Variants in ARFRP1 observed in about 807,000 individuals in gnomAD.
ARFRP1 encodes the protein ADP-ribosylation factor-related protein 1.
A neutral mutation model predicts 30.3 loss-of-function variants in ARFRP1; 19 were observed. The observed-to-expected ratio is 0.63, with a 90% CI of 0.44 to 0.92. The LOEUF (loss-of-function observed/expected upper bound fraction) is 0.92, where lower values mean the gene tolerates loss of function less well. Ranked by LOEUF, ARFRP1 falls within the 40% of genes least tolerant of loss-of-function variation. ARFRP1 has a pLI of 0.00. For synonymous variants in ARFRP1, 133 were observed against 114.2 expected (o/e 1.16, Z -1.05); for missense variants, 245 against 267.5 (o/e 0.92, Z 0.59).
At chr20:63,706,091 A>C (rs1009605332) in intron 4 of ARFRP1, 1 of 432,532 alleles carries the variant, frequency 2.3e-6, no homozygotes, top group Non-Finnish European at 4.3e-6. Context: ...GCATTTAGTG[A>C]TTCTTTCCCT....
rs1016651639 is a variant in ARFRP1, at chr20:63,701,086, G to A, written c.418-384C>T. The A allele has an allele frequency of 1.0e-5, 4 of 399,220 alleles. No individual in the cohort carries two copies. The East Asian group carries it at 2.8e-4, about 28-fold the overall frequency. The allele number at this position is 399,220 out of a possible 1,614,324, so 24.7% of individuals were successfully genotyped here. On this transcript the variant is annotated intron_variant, in intron 6 of 7. Transcript: ENST00000622789. Reference sequence around the variant, plus strand: ...TGGGAGCCCTGCATCAGTGATGGAGGCAGTCTGCAGTCATGGTGGCTTCTG... The same window carrying A: ...TGGGAGCCCTGCATCAGTGATGGAGACAGTCTGCAGTCATGGTGGCTTCTG...
intron 4 of ARFRP1, chr20:63,705,878 T>A: frequency 2.3e-6 from 1 of 427,664 alleles, no homozygotes; most frequent in East Asian, 5.9e-5. Flanking sequence ...GTTTGAACAT[T>A]CCCAGACACT....
At chr20:63,706,898 T>A in intron 2 of ARFRP1, 101 bp downstream of exon 2, 3 of 1,409,202 alleles carry the variant, frequency 2.1e-6, no homozygotes, top group Admixed American at 3.5e-5. Context: ...CAGGTGAAAT[T>A]TGGCTTCCGT....
rs2091246464 is a variant in ARFRP1, at chr20:63,702,147, T to C, written c.335A>G (p.Lys112Arg). ...CAGGCCGCACTCACCAAACGCCTGC[T>C]TGGACTCAGCCAGCCTCTCCTCGTC... is the stretch of plus-strand genomic sequence containing the variant. ...STDEERLAES[K>R]QAFEKVVTSE... The change falls in exon 5 of 8, where the codon AAG (lysine) becomes AGG (arginine). Residue 112 changes from lysine (K) to arginine (R), a missense_variant. Coordinates refer to ENST00000622789, the MANE Select transcript of ARFRP1 (RefSeq NM_001267547.3). 4 of 1,610,968 alleles carry C rather than the reference T, an allele frequency of 2.5e-6. No homozygotes were observed. Among genetic ancestry groups the C allele is most frequent in the Admixed American group, 1.7e-5 (1 of 59,924 alleles).
chr20:63,705,403 C>T (rs1453030916), intron 4 of ARFRP1: 3 of 269,592 alleles, frequency 1.1e-5, no homozygotes, highest in Non-Finnish European at 2.2e-5. Context: ...CAGCCTAGGG[C>T]AGGGAGCCCG....
intron 4 of ARFRP1, chr20:63,704,681 C>A (rs2091373728): frequency 1.3e-5 from 2 of 152,414 alleles, no homozygotes; most frequent in South Asian, 4.1e-4. Flanking sequence ...GGAGGAACCC[C>A]TCTCCAACGT....
At chr20:63,701,166 C>T (rs181333511) in intron 6 of ARFRP1, 21 of 485,278 alleles carry the variant, frequency 4.3e-5, no homozygotes, top group Non-Finnish European at 7.2e-5. Context: ...CCTTTTCCTC[C>T]GAGGGGAGAC....
intron 4 of ARFRP1, chr20:63,704,945 TC>T (rs1481726362): frequency 1.3e-5 from 2 of 152,386 alleles, no homozygotes; most frequent in Non-Finnish European, 2.9e-5. Context: ...TAGCCAGTTC[TC>T]CTCCAGGGCT....
At chr20:63,701,998 G>GCCA in intron 5 of ARFRP1, 98 bp from the exon 6 acceptor site, 1 of 583,914 alleles carries the variant, frequency 1.7e-6, no homozygotes, top group Non-Finnish European at 2.6e-6. Flanking sequence ...CACTCCCTCT[G>GCCA]CCCCCCCCCC....
At chr20:63,705,754 G>A in intron 4 of ARFRP1, 1 of 533,212 alleles carries the variant, frequency 1.9e-6, no homozygotes. Flanking sequence ...TTGGAGGAGT[G>A]CAGGGTCCCC....
intron 4 of ARFRP1, chr20:63,703,216 G>A (rs1289563386): frequency 1.3e-5 from 2 of 152,288 alleles, no homozygotes; most frequent in South Asian, 4.1e-4. Context: ...AGTGTGTTAA[G>A]ACACACACAC....
chr20:63,698,736 C>G lies in ARFRP1; in HGVS notation c.*1707G>C, dbSNP rs1450369335. Reference sequence around the variant, plus strand: ...AGGGCAGCCGGGGACACCTGAGCCGCCCGCTGTGCCCAGATCCCTCAGGCT... The same window carrying G: ...AGGGCAGCCGGGGACACCTGAGCCGGCCGCTGTGCCCAGATCCCTCAGGCT... On this transcript the variant is annotated 3_prime_UTR_variant, in exon 8 of 8. Transcript: ENST00000622789. 5 of 740,638 alleles carry G rather than the reference C, an allele frequency of 6.8e-6. No individual in the cohort carries two copies. In the South Asian group the frequency reaches 1.1e-4, roughly 16 times the overall value. 45.9% of individuals were successfully genotyped at this position (740,638 alleles called of 1,614,324 possible).
intron 4 of ARFRP1, chr20:63,705,621 G>T (rs548174394): frequency 1.3e-5 from 7 of 531,018 alleles, no homozygotes; most frequent in Middle Eastern, 6.3e-4. Context: ...TGTTAAGCTA[G>T]AACTGAAGGA....
At chr20:63,706,964 G>A (rs1333610318) in intron 2 of ARFRP1, 35 bp downstream of exon 2, 4 of 1,609,574 alleles carry the variant, frequency 2.5e-6, no homozygotes, top group Non-Finnish European at 1.7e-6. Context: ...CCGCCAGGCC[G>A]TGGGAAAGGT....
intron 4 of ARFRP1, 29 bp from the exon 5 acceptor site, chr20:63,702,246 C>T: frequency 1.3e-6 from 2 of 1,593,102 alleles, no homozygotes; most frequent in Non-Finnish European, 1.7e-6. Flanking sequence ...AGTTGGGGCT[C>T]AGTCCCCACC....
rs1332501925 is a variant in ARFRP1, at chr20:63,701,818, G to T, written c.417+12C>A. 6.5e-7 allele frequency: 1 copy of T among 1,549,402 alleles called. No individual in the cohort carries two copies. The highest frequency in any genetic ancestry group is 2.0e-5 in the Admixed American group (1 of 50,998). On this transcript the variant is annotated intron_variant, in intron 6 of 7. Transcript: ENST00000622789. ...TCGGGAAGCTGCTGCGGGAGGCAGG[G>T]GTGGGGCTCACCTCCACATCCTGCT... is the stretch of plus-strand genomic sequence containing the variant.
At chr20:63,702,261 C>G in intron 4 of ARFRP1, 44 bp from the exon 5 acceptor site, 1 of 1,562,026 alleles carries the variant, frequency 6.4e-7, no homozygotes, top group Non-Finnish European at 8.8e-7. Flanking sequence ...CCCACCCTGC[C>G]AAGGGCCAGC....
In ARFRP1 at chr20:63,698,671, G is replaced by C; in HGVS notation, c.*1772C>G. ...GTTTCTTAAAGCTTATTTTTATAAA[G>C]CTTTTTCATAAAACTGGTTGTAGTT... On this transcript the variant is annotated 3_prime_UTR_variant, in exon 8 of 8. Transcript: ENST00000622789. 8.5e-6 allele frequency: 11 copies of C among 1,294,070 alleles called. No individual in the cohort carries two copies. The highest frequency in any genetic ancestry group is 1.1e-5 in the Non-Finnish European group (11 of 995,712). 80.2% of individuals were successfully genotyped at this position (1,294,070 alleles called of 1,614,324 possible).
chr20:63,706,918 G>C, intron 2 of ARFRP1, 81 bp downstream of exon 2: 1 of 1,532,396 alleles, frequency 6.5e-7, no homozygotes, highest in Non-Finnish European at 9.0e-7. Flanking sequence ...TCTGGGTAGT[G>C]AACGTGCAGC....
Sources: gnomAD v4.1 joint callset for allele counts on GRCh38, gnomAD v4.1.1 for gene constraint, MANE v1.5 for transcripts, NCBI Gene and HGNC (gene_info 2026-07-23, HGNC 2026-07-21) for gene names.